AGAP6: variants seen among roughly 807,000 people sequenced by gnomAD.
AGAP6 encodes the protein arf-GAP with GTPase, ANK repeat and PH domain-containing protein 6.
A neutral mutation model predicts 63.9 loss-of-function variants in AGAP6; 29 were observed. The ratio of observed to expected loss-of-function variants is 0.45; its 90% CI spans 0.34 to 0.62. The LOEUF (loss-of-function observed/expected upper bound fraction) is 0.62. Ranked by LOEUF, AGAP6 falls within the 20% of genes least tolerant of loss-of-function variation. The pLI, the probability that AGAP6 is intolerant of heterozygous loss-of-function variation, is 0.01. For missense variants in AGAP6, 493 were observed against 884.9 expected, an observed-to-expected ratio of 0.56 and a Z score of 5.62; for synonymous variants, 199 against 332.9, an observed-to-expected ratio of 0.60 and a Z score of 4.38.
At chr10:50,005,729 C>T (rs1841891048) in intron 6 of AGAP6, among the ~76,000 whole-genome samples, 3 of 149,372 alleles carry the variant, frequency 2.0e-5, no homozygotes, top group Non-Finnish European at 4.5e-5. Flanking sequence ...GAGACCAGCC[C>T]GACCAACATG....
intron 7 of AGAP6, 73 bp from the exon 8 acceptor site, chr10:50,008,638 T>C: frequency 2.5e-6 from 4 of 1,585,760 alleles, no homozygotes; most frequent in East Asian, 2.2e-5. Flanking sequence ...TAAAAGGTAA[T>C]TGTGAGCTGT....
In AGAP6 at chr10:49,996,579, G is replaced by A. The variant is rs556605425; in HGVS notation, c.396+2150G>A. On this transcript the variant is annotated intron_variant, in intron 4 of 7. Coordinates refer to ENST00000412531, the MANE Select transcript of AGAP6 (RefSeq NM_001077665.3). ...GAAGAAAGTTGGAGTTCCATTTTTG[G>A]TGTACAGTTTTCTTTATATCTCAGG... 2.2e-3 allele frequency among the ~76,000 whole-genome samples: 329 copies of A among 151,280 alleles called. 2 individuals are homozygous for A. Among genetic ancestry groups the A allele is most frequent in the African/African-American group, 7.7e-3 (318 of 41,234 alleles).
intron 4 of AGAP6, among the ~76,000 whole-genome samples, chr10:50,001,146 C>T (rs1353493365): frequency 9.3e-5 from 14 of 149,784 alleles, no homozygotes; most frequent in Non-Finnish European, 1.9e-4. Context: ...CTGGCTAACA[C>T]GGTGAAACCC....
upstream of AGAP6, chr10:49,988,387 A>G (rs1190972646): frequency 9.3e-6 from 12 of 1,289,874 alleles, 1 homozygote; most frequent in South Asian, 1.1e-4. Flanking sequence ...GTGACTACAG[A>G]AGGAGGAGGA....
chr10:50,003,639 A>C (rs1841794565), intron 5 of AGAP6, among the ~76,000 whole-genome samples: 1 of 152,170 alleles, frequency 6.6e-6, no homozygotes, highest in Non-Finnish European at 1.5e-5. Context: ...TTAAATTAAA[A>C]TGTCTCATGT....
rs1182831452 is a variant in AGAP6, at chr10:49,988,480, C to T, written c.-236C>T. 21 of 1,428,746 alleles carry T rather than the reference C, an allele frequency of 1.5e-5. No homozygotes were observed. In the East Asian group the frequency reaches 5.0e-4, roughly 34 times the overall value. The allele number at this position is 1,428,746 out of a possible 1,614,324, so 88.5% of individuals were successfully genotyped here. A position where few individuals can be genotyped will look rare whatever the true frequency, so the allele number is the denominator to read the frequency against. ...CAACCTATTAAATAAGCCGGCTGGT[C>T]TTCACCCTCCCAGACAAGTCAACTC... On this transcript the variant is annotated 5_prime_UTR_variant, in exon 1 of 8. Coordinates refer to ENST00000412531, the MANE Select transcript of AGAP6 (RefSeq NM_001077665.3).
At chr10:49,992,599 G>A (rs1172642338) in intron 3 of AGAP6, among the ~76,000 whole-genome samples, 1 of 152,166 alleles carries the variant, frequency 6.6e-6, no homozygotes, top group African/African-American at 2.4e-5. Flanking sequence ...ACAAAAAGAT[G>A]TTTAACTGGC....
At position 49,991,696 on chromosome 10, in the gene AGAP6, G is replaced by A. The variant is rs782153811; in HGVS notation, c.313G>A (p.Ala105Thr). Residue 105 changes from alanine to threonine, a missense_variant, in exon 3 of 8, where the codon GCC becomes ACC. Physicochemically the swap from Ala to Thr is moderately conservative, Grantham distance 58. Around this residue, in one of 7 missense-constraint regions of AGAP6, gnomAD observed 342 missense variants for 533.4 expected, o/e 0.64. Transcript: ENST00000412531. ...QTEALEFNPSANPEASTIFQR... is the reference protein window; with the variant it reads ...QTEALEFNPSTNPEASTIFQR... ...TATAGCTTTGGAGTTTAACCCTTCT[G>A]CCAATCCAGAGGCAAGCACAATATT... The A allele has an allele frequency of 7.3e-5, 117 of 1,597,848 alleles. No homozygotes were observed. The highest frequency in any genetic ancestry group is 3.3e-4 in the Admixed American group (20 of 59,878).
intron 4 of AGAP6, among the ~76,000 whole-genome samples, chr10:49,996,464 T>C (rs3964932): frequency 4.6e-5 from 7 of 152,046 alleles, no homozygotes; most frequent in South Asian, 2.1e-4. Context: ...GGGATCTTTA[T>C]TGAAGACATT....
chr10:49,997,769 T>C (rs1841547338), intron 4 of AGAP6, among the ~76,000 whole-genome samples: 1 of 149,246 alleles, frequency 6.7e-6, no homozygotes, highest in Non-Finnish European at 1.5e-5. Flanking sequence ...TTGTAGTCTT[T>C]TATCCCTCAC....
chr10:50,005,162 A>G (rs1589103419), intron 6 of AGAP6, among the ~76,000 whole-genome samples: 1 of 152,212 alleles, frequency 6.6e-6, no homozygotes, highest in Admixed American at 6.5e-5. Context: ...TGAGAACAGT[A>G]TTGTTAACAG....
intron 3 of AGAP6, among the ~76,000 whole-genome samples, chr10:49,992,977 G>T (rs1841340018): frequency 6.6e-6 from 1 of 152,188 alleles, no homozygotes; most frequent in Admixed American, 6.5e-5. Context: ...GGCCAGGCTG[G>T]TCTGAAACTC....
chr10:49,995,388 T>C (rs1270574897), intron 4 of AGAP6, among the ~76,000 whole-genome samples: 1 of 152,194 alleles, frequency 6.6e-6, no homozygotes, highest in Non-Finnish European at 1.5e-5. Context: ...TGCTTTCACA[T>C]CCATTATTTT....
rs1214338419 is a variant in AGAP6 at position 49,991,497 on chromosome 10, T to TGG, written c.293-177_293-176dup. On this transcript the variant is annotated intron_variant, in intron 2 of 7. Transcript: ENST00000412531. ...TTCCCATCTCAGCCTCCTGAGTAGC[T>TGG]GGGACTACAAGCATGTGCCATCTTG... Among the ~76,000 whole-genome samples the TGG allele has an allele frequency of 4.0e-5, 6 of 151,692 alleles. No homozygotes were observed. The Admixed American group carries it at 4.0e-4, about 10-fold the overall frequency.
rs549050451 is a variant in AGAP6, at chr10:50,010,247, A to T, written c.*61A>T. ...AAAACAAAATGGGAAAAATAAGGAT[A>T]ACTCAGAATTTCAAAAGGAAATCAC... On this transcript the variant is annotated 3_prime_UTR_variant, in exon 8 of 8. Transcript: ENST00000412531. 25 of 1,596,244 alleles carry T rather than the reference A, an allele frequency of 1.6e-5. No homozygotes were observed. The African/African-American group carries it at 2.0e-4, about 13-fold the overall frequency.
At position 49,995,590 on chromosome 10, in the gene AGAP6, G is replaced by A. The variant is rs575409226; in HGVS notation, c.396+1161G>A. 1.5e-3 allele frequency among the ~76,000 whole-genome samples: 223 copies of A among 152,200 alleles called. 3 individuals carry two copies. Among genetic ancestry groups the A allele is most frequent in the African/African-American group, 5.1e-3 (213 of 41,524 alleles). ...TTTTGTCATCCTAGTTCAATATAGC[G>A]TGGGTTTCCCTAGATATGCTCGATG... is the stretch of plus-strand genomic sequence containing the variant. On this transcript the variant is annotated intron_variant, in intron 4 of 7. Transcript: ENST00000412531.
At chr10:49,991,538 T>G in intron 2 of AGAP6, 138 bp from the exon 3 acceptor site, 2 of 1,217,778 alleles carry the variant, frequency 1.6e-6, no homozygotes, top group Non-Finnish European at 2.3e-6. Flanking sequence ...CTCTATCTTA[T>G]GTCTATACAT....
intron 2 of AGAP6, among the ~76,000 whole-genome samples, chr10:49,989,614 G>C (rs1841190472): frequency 6.6e-6 from 1 of 151,680 alleles, no homozygotes; most frequent in African/African-American, 2.4e-5. Flanking sequence ...CAAATATTTG[G>C]GGATTTCTTA....
In AGAP6 at chr10:50,009,689, G is replaced by A; in HGVS notation, c.1564G>A (p.Asp522Asn). 1 of 1,614,124 alleles carries A rather than the reference G, an allele frequency of 6.2e-7. No individual in the cohort carries two copies. Among genetic ancestry groups the A allele is most frequent in the Non-Finnish European group, 8.5e-7 (1 of 1,179,960 alleles). The change falls in exon 8 of 8, where the codon GAT becomes AAT. Residue 522 changes from aspartate (D) to asparagine (N), a missense_variant. Transcript: ENST00000412531. The part of the protein sequence containing the change: ...HLSRVRSLEL[D>N]DWPVELRKVM... ...TTCCCGTGTGCGATCTCTGGAGCTG[G>A]ATGACTGGCCAGTTGAGCTCAGGAA... is the stretch of plus-strand genomic sequence containing the variant.
Sources: allele counts gnomAD v4.1 joint callset (sites outside exome capture counted in the v4.1 genomes callset), GRCh38; gene constraint gnomAD v4.1.1; regional missense constraint gnomAD v4.1.1; transcripts MANE v1.5; gene names NCBI Gene and HGNC (gene_info 2026-07-23, HGNC 2026-07-21).